The following SLC4A5 variants were observed in gnomAD, a reference collection of about 807,000 sequenced individuals.
SLC4A5 encodes the protein electrogenic sodium bicarbonate cotransporter 4.
In SLC4A5, 96 loss-of-function variants were observed where a neutral mutation model predicts 120.4. That is an observed-to-expected ratio of 0.80 (90% CI 0.68 to 0.94). The LOEUF is 0.94. SLC4A5 is among the 40% of genes least tolerant of loss of function. SLC4A5 has a pLI of 0.00. For synonymous variants in SLC4A5, 550 were observed against 571.1 expected (o/e 0.96, Z 0.53); for missense variants, 1,259 against 1,459.5 (o/e 0.86, Z 2.24).
chr2:74,265,313 G>C (rs1401472589), intron 8 of SLC4A5, 49 bp from the exon 9 acceptor site: 1 of 1,588,710 alleles, frequency 6.3e-7, no homozygotes. Flanking sequence ...CTCAGGAGGA[G>C]GCCTCACCTG....
chr2:74,293,673 G>A (rs139828401), intron 7 of SLC4A5, among the ~76,000 whole-genome samples: 2 of 152,304 alleles, frequency 1.3e-5, no homozygotes, highest in South Asian at 2.1e-4. Flanking sequence ...CCGGCTCTTC[G>A]TTTTGCTTTG....
chr2:74,271,991 G>A (rs1671489579), intron 8 of SLC4A5, among the ~76,000 whole-genome samples: 1 of 152,132 alleles, frequency 6.6e-6, no homozygotes, highest in African/African-American at 2.4e-5. Flanking sequence ...GCTGAGGTAG[G>A]AGGATTAAGT....
intron 8 of SLC4A5, among the ~76,000 whole-genome samples, chr2:74,283,773 A>G (rs1385389195): frequency 6.6e-6 from 1 of 152,080 alleles, no homozygotes; most frequent in Non-Finnish European, 1.5e-5. Context: ...AGGAGTGAAA[A>G]TATTTTAGAT....
chr2:74,341,750 G>A (rs757394315), intron 2 of SLC4A5, among the ~76,000 whole-genome samples: 5 of 152,294 alleles, frequency 3.3e-5, no homozygotes, highest in African/African-American at 4.8e-5. Flanking sequence ...AAGATGTTGC[G>A]GATTGCCCAG....
chr2:74,232,475 C>G, exon 24 of SLC4A5: 5 of 1,613,962 alleles, frequency 3.1e-6, no homozygotes, highest in Non-Finnish European at 4.2e-6. Context: ...CTACCTGACT[C>G]CCAGAAACTG....
At chr2:74,340,057 G>A (rs1261417440) in intron 2 of SLC4A5, among the ~76,000 whole-genome samples, 1 of 152,160 alleles carries the variant, frequency 6.6e-6, no homozygotes, top group Non-Finnish European at 1.5e-5. Flanking sequence ...GGGAGTTAGT[G>A]TTTAATGGGT....
At chr2:74,217,380 T>G (rs1323033345) in exon 31 of SLC4A5, 1 of 152,250 alleles carries the variant, frequency 6.6e-6, no homozygotes, top group Non-Finnish European at 1.5e-5. Context: ...AGGAATAGGT[T>G]TGCTTCATTG....
chr2:74,239,604 G>A, intron 20 of SLC4A5, 69 bp from the exon 21 acceptor site: 1 of 1,499,308 alleles, frequency 6.7e-7, no homozygotes, highest in Non-Finnish European at 9.2e-7. Flanking sequence ...CCTTCCCACT[G>A]CAGTCCCCAG....
intron 7 of SLC4A5, among the ~76,000 whole-genome samples, chr2:74,296,081 C>G (rs1331999327): frequency 1.3e-5 from 2 of 152,152 alleles, no homozygotes; most frequent in African/African-American, 2.4e-5. Context: ...CCCTTAAGGT[C>G]TTAAGGTCAC....
Position 74,247,104 on chromosome 2 carries a change from G to C in SLC4A5, c.1991C>G (p.Pro664Arg), listed in dbSNP as rs148296977. 8.4e-5 allele frequency: 136 copies of C among 1,614,076 alleles called. No individual in the cohort carries two copies. The Middle Eastern group carries it at 1.3e-3, about 16-fold the overall frequency. Residue 664 changes from proline to arginine, a missense_variant, in exon 19 of 31, where the codon CCT becomes CGT. Transcript: ENST00000394019. ...GTTTGGCTTGAAGTCCATATTGATA[G>C]GGTAGTACTTGAAGGCACCGATCAT...
At chr2:74,307,956 G>A (rs1672697354) in intron 6 of SLC4A5, 1 of 543,988 alleles carries the variant, frequency 1.8e-6, no homozygotes. Context: ...TGGCTGGACA[G>A]AGCCCAGGGA....
At chr2:74,304,977 A>T (rs983171642) in intron 6 of SLC4A5, among the ~76,000 whole-genome samples, 5 of 152,194 alleles carry the variant, frequency 3.3e-5, no homozygotes, top group Non-Finnish European at 5.9e-5. Flanking sequence ...ATGGCTTATG[A>T]CACGTGGTTA....
At chr2:74,303,924 A>G (rs951566323) in intron 7 of SLC4A5, among the ~76,000 whole-genome samples, 4 of 146,576 alleles carry the variant, frequency 2.7e-5, no homozygotes, top group African/African-American at 1.0e-4. Context: ...ATCTCGGCTC[A>G]CTGCAAGCTC....
At chr2:74,277,175 G>A (rs772460620) in intron 8 of SLC4A5, among the ~76,000 whole-genome samples, 30 of 152,290 alleles carry the variant, frequency 2.0e-4, no homozygotes, top group Non-Finnish European at 3.7e-4. Context: ...ATCGCAAACA[G>A]TCCCCAACAG....
At chr2:74,277,127 C>A (rs1671669300) in intron 8 of SLC4A5, among the ~76,000 whole-genome samples, 1 of 152,166 alleles carries the variant, frequency 6.6e-6, no homozygotes, top group African/African-American at 2.4e-5. Context: ...AGCCCCAAAC[C>A]TCCTGACGAT....
intron 11 of SLC4A5, among the ~76,000 whole-genome samples, chr2:74,259,896 ACTC>A (rs776251855): frequency 2.0e-5 from 3 of 150,678 alleles, no homozygotes; most frequent in Non-Finnish European, 3.0e-5. Flanking sequence ...TCTAGTCTCT[ACTC>A]CTCCACCCCA....
intron 9 of SLC4A5, among the ~76,000 whole-genome samples, 167 bp downstream of exon 9, chr2:74,264,937 A>G (rs1379897607): frequency 6.6e-6 from 1 of 152,126 alleles, no homozygotes; most frequent in Non-Finnish European, 1.5e-5. Context: ...TGAAACTTGG[A>G]GTGACTATGA....
chr2:74,292,652 C>A (rs781706719), intron 7 of SLC4A5, among the ~76,000 whole-genome samples: 1 of 152,012 alleles, frequency 6.6e-6, no homozygotes, highest in Admixed American at 6.6e-5. Context: ...TAAAGCCACA[C>A]AAAGAATCAT....
At chr2:74,317,979 A>G (rs1573098857) in intron 5 of SLC4A5, among the ~76,000 whole-genome samples, 1 of 152,266 alleles carries the variant, frequency 6.6e-6, no homozygotes, top group South Asian at 2.1e-4. Flanking sequence ...AAGTCCAAGG[A>G]AACAGGAGCA....
Sources: allele counts gnomAD v4.1 joint callset (sites outside exome capture counted in the v4.1 genomes callset), GRCh38; gene constraint gnomAD v4.1.1; transcripts MANE v1.5; gene names NCBI Gene and HGNC (gene_info 2026-07-23, HGNC 2026-07-21).